The following KCNAB1 variants were observed in gnomAD, a reference collection of about 807,000 sequenced individuals.
The protein encoded by KCNAB1 is potassium voltage-gated channel subfamily A regulatory beta subunit 1.
Under a neutral mutation model 64.6 loss-of-function variants are expected in KCNAB1, and 35 were observed. The observed-to-expected ratio is 0.54, with a 90% CI of 0.41 to 0.72. The LOEUF (loss-of-function observed/expected upper bound fraction) is 0.72, where lower values mean the gene tolerates loss of function less well. KCNAB1 is among the 30% of genes least tolerant of loss of function. The probability of loss-of-function intolerance (pLI) is 0.00; values close to 1 mark genes in which losing one functional copy is unlikely to be tolerated. For missense variants in KCNAB1, 401 were observed against 512.9 expected (o/e 0.78, Z 2.11); for synonymous variants, 177 against 183.8 (o/e 0.96, Z 0.30).
chr3:156,419,292 G>A (rs1715304156), intron 1 of KCNAB1, among the ~76,000 whole-genome samples: 1 of 152,076 alleles, frequency 6.6e-6, no homozygotes, highest in Non-Finnish European at 1.5e-5. Context: ...CACGAGGTCA[G>A]GAGATCGAGA....
chr3:156,260,505 A>C (rs1188247981), intron 1 of KCNAB1, among the ~76,000 whole-genome samples: 3 of 152,178 alleles, frequency 2.0e-5, no homozygotes, highest in African/African-American at 7.2e-5. Context: ...CATGTCATAA[A>C]AATAGAATTA....
chr3:156,497,046 T>G (rs962900067), intron 8 of KCNAB1, among the ~76,000 whole-genome samples: 1 of 152,168 alleles, frequency 6.6e-6, no homozygotes, highest in African/African-American at 2.4e-5. Context: ...ACATTAATAT[T>G]TAAAATATTA....
intron 3 of KCNAB1, among the ~76,000 whole-genome samples, chr3:156,456,328 C>G (rs574823132): frequency 6.6e-6 from 1 of 152,122 alleles, no homozygotes; most frequent in Admixed American, 6.5e-5. Context: ...ACCAGTATGT[C>G]ATATGACATA....
At chr3:156,175,639 C>G (rs1247937724) in intron 1 of KCNAB1, among the ~76,000 whole-genome samples, 2 of 152,052 alleles carry the variant, frequency 1.3e-5, no homozygotes, top group African/African-American at 4.8e-5. Flanking sequence ...CAAAACAGTT[C>G]CTGAAATCAG....
intron 1 of KCNAB1, among the ~76,000 whole-genome samples, chr3:156,373,035 T>A (rs1726419725): frequency 2.0e-5 from 3 of 152,198 alleles, no homozygotes; most frequent in African/African-American, 2.4e-5. Context: ...AAAGGTAAAA[T>A]TATGTGTAAA....
At chr3:156,406,226 A>G (rs1002121300) in intron 1 of KCNAB1, among the ~76,000 whole-genome samples, 2 of 152,182 alleles carry the variant, frequency 1.3e-5, no homozygotes, top group African/African-American at 4.8e-5. Flanking sequence ...GGGGCTTCTA[A>G]TGAGCATTAC....
chr3:156,260,146 T>C (rs78611600), intron 1 of KCNAB1, among the ~76,000 whole-genome samples: 1 of 152,212 alleles, frequency 6.6e-6, no homozygotes, highest in East Asian at 1.9e-4. Context: ...CAGCTTGTAA[T>C]GAAGTCTGCA....
Position 156,537,058 on chromosome 3 carries a change from T to C in KCNAB1, c.*311T>C, listed in dbSNP as rs990540586. 1 of 433,466 alleles carries C rather than the reference T, an allele frequency of 2.3e-6. No homozygotes were observed. Among genetic ancestry groups the C allele is most frequent in the African/African-American group, 2.0e-5 (1 of 49,758 alleles). 26.9% of individuals were successfully genotyped at this position (433,466 alleles called of 1,614,324 possible). ...GGGTGTGGTACTACCTTCAGGCATT[T>C]GGTAACTCAAAGAAGGCTGTACAGA... On this transcript the variant is annotated 3_prime_UTR_variant, in exon 14 of 14. Coordinates refer to ENST00000490337, the MANE Select transcript of KCNAB1 (RefSeq NM_172160.3).
At chr3:156,351,383 G>A (rs907855519) in intron 1 of KCNAB1, among the ~76,000 whole-genome samples, 4 of 152,250 alleles carry the variant, frequency 2.6e-5, no homozygotes, top group Admixed American at 6.5e-5. Flanking sequence ...GTGCATGGAT[G>A]TAGGCTCTCT....
chr3:156,339,221 T>C (rs1723934283), intron 1 of KCNAB1, among the ~76,000 whole-genome samples: 1 of 152,154 alleles, frequency 6.6e-6, no homozygotes. Flanking sequence ...TAGCAATAGT[T>C]ACTAATGTTT....
chr3:156,355,041 T>C (rs1213590437), intron 1 of KCNAB1, among the ~76,000 whole-genome samples: 1 of 152,220 alleles, frequency 6.6e-6, no homozygotes, highest in Non-Finnish European at 1.5e-5. Context: ...CCTTGGGATA[T>C]AACACATTTG....
intron 1 of KCNAB1, among the ~76,000 whole-genome samples, chr3:156,287,451 AGTG>A (rs936626260): frequency 2.1e-4 from 32 of 152,124 alleles, no homozygotes; most frequent in African/African-American, 7.5e-4. Context: ...TGATAAAAGA[AGTG>A]GTGATTTTCA....
At chr3:156,186,048 A>G (rs1457930309) in intron 1 of KCNAB1, among the ~76,000 whole-genome samples, 1 of 152,214 alleles carries the variant, frequency 6.6e-6, no homozygotes, top group African/African-American at 2.4e-5. Flanking sequence ...ACATAGGAGC[A>G]GCTACTGAGC....
At chr3:156,516,249 T>C in intron 10 of KCNAB1, 21 bp from the exon 11 acceptor site, 1 of 1,592,202 alleles carries the variant, frequency 6.3e-7, no homozygotes, top group Non-Finnish European at 8.6e-7. Context: ...CAAGCAACTT[T>C]CTAAGTTTTT....
intron 1 of KCNAB1, among the ~76,000 whole-genome samples, chr3:156,351,601 G>T (rs1291014022): frequency 6.6e-6 from 1 of 152,224 alleles, no homozygotes; most frequent in Non-Finnish European, 1.5e-5. Context: ...CTGTTTGGAG[G>T]TGGAGAGGCC....
intron 1 of KCNAB1, among the ~76,000 whole-genome samples, chr3:156,246,343 C>T (rs563937374): frequency 4.6e-5 from 7 of 152,250 alleles, no homozygotes; most frequent in East Asian, 1.9e-4. Context: ...CGGTGGCTCA[C>T]GCCTGTAATC....
chr3:156,247,679 C>T (rs1249204203), intron 1 of KCNAB1, among the ~76,000 whole-genome samples: 1 of 152,152 alleles, frequency 6.6e-6, no homozygotes, highest in East Asian at 1.9e-4. Flanking sequence ...CCTCCCACCT[C>T]AGCCTCCCAG....
At chr3:156,423,010 C>T (rs907732799) in intron 2 of KCNAB1, among the ~76,000 whole-genome samples, 5 of 152,100 alleles carry the variant, frequency 3.3e-5, no homozygotes, top group Admixed American at 6.5e-5. Flanking sequence ...AATTGACCAT[C>T]GGGTTCAGCA....
intron 1 of KCNAB1, among the ~76,000 whole-genome samples, chr3:156,406,736 A>G (rs1187244269): frequency 6.6e-6 from 1 of 152,172 alleles, no homozygotes; most frequent in Non-Finnish European, 1.5e-5. Context: ...AAAGAGATAG[A>G]ACCTGAGAAC....
Sources: gnomAD v4.1 joint callset for allele counts (sites outside exome capture counted in the v4.1 genomes callset) on GRCh38, gnomAD v4.1.1 for gene constraint, MANE v1.5 for transcripts, NCBI Gene and HGNC (gene_info 2026-07-23, HGNC 2026-07-21) for gene names.